FARP2: variants seen among roughly 807,000 people sequenced by gnomAD.
FARP2 encodes FERM, ARHGEF and pleckstrin domain-containing protein 2.
In FARP2, 111 loss-of-function variants were observed where a neutral mutation model predicts 130.5. The observed-to-expected ratio is 0.85, with a 90% CI of 0.73 to 1.00. FARP2 has a LOEUF of 1.00. Ranked by LOEUF, FARP2 falls within the 50% of genes least tolerant of loss-of-function variation. The probability of loss-of-function intolerance (pLI) is 0.00; values close to 1 mark genes in which losing one functional copy is unlikely to be tolerated. For synonymous variants in FARP2, 504 were observed against 516.9 expected (o/e 0.98, Z 0.34); for missense variants, 1,385 against 1,346.3 (o/e 1.03, Z -0.45).
intron 1 of FARP2, among the ~76,000 whole-genome samples, chr2:241,363,049 A>G (rs2061225348): frequency 6.6e-6 from 1 of 152,240 alleles, no homozygotes; most frequent in Non-Finnish European, 1.5e-5. Flanking sequence ...AGTAAACGGT[A>G]ACAGGCGGAT....
intron 1 of FARP2, among the ~76,000 whole-genome samples, chr2:241,366,919 A>C (rs2061331757): frequency 6.6e-6 from 1 of 152,034 alleles, no homozygotes; most frequent in South Asian, 2.1e-4. Flanking sequence ...CACCATCCCC[A>C]GCTGCTGCTG....
rs1243747270 is a variant in FARP2 at position 241,493,059 on chromosome 2, C to A, written c.2895+23C>A. 3.0e-6 allele frequency: 4 copies of A among 1,353,092 alleles called. No individual in the cohort carries two copies. The South Asian group carries it at 3.5e-5, about 12-fold the overall frequency. 83.8% of individuals were successfully genotyped at this position (1,353,092 alleles called of 1,614,324 possible). On this transcript the variant is annotated intron_variant, in intron 25 of 26. Coordinates refer to ENST00000264042, the MANE Select transcript of FARP2 (RefSeq NM_014808.4). Reference sequence around the variant, plus strand: ...CAGGTACTGGAGTTTCACTGGAGCCCAATGCAGGTGATGCTAGCAGACAGA... The same window carrying A: ...CAGGTACTGGAGTTTCACTGGAGCCAAATGCAGGTGATGCTAGCAGACAGA...
intron 26 of FARP2, 160 bp downstream of exon 26, chr2:241,493,604 T>G (rs1214098694): frequency 1.5e-6 from 1 of 648,376 alleles, no homozygotes; most frequent in Non-Finnish European, 2.6e-6. Flanking sequence ...TTTGTTTTTT[T>G]TTTTTTTGGA....
intron 19 of FARP2, among the ~76,000 whole-genome samples, chr2:241,477,123 C>CTTTTTTTTTT (rs71406462): frequency 3.7e-4 from 45 of 122,636 alleles, no homozygotes; most frequent in Non-Finnish European, 5.4e-4. Context: ...ATTCATGTTC[C>CTTTTTTTTTT]TTTTTTTTTT....
In FARP2 at chr2:241,434,162, C is replaced by T. The variant is rs370388089; in HGVS notation, c.872C>T (p.Pro291Leu). ...LIKLHPEVHG[P>L]YQDTLEFLLG... is the part of the protein sequence containing the mutation. ...ACCTTTGTGTTTTGTTTCTAGGGAC[C>T]TTACCAGGACACATTAGAATTTTTG... Residue 291 changes from proline (P) to leucine (L), a missense_variant, in exon 10 of 27, where the codon CCT (proline) becomes CTT (leucine). Pro to Leu is a moderately conservative substitution (Grantham distance 98). Transcript: ENST00000264042. 8.1e-6 allele frequency: 13 copies of T among 1,597,962 alleles called. No homozygotes were observed. The African/African-American group carries it at 1.4e-4, about 17-fold the overall frequency.
rs150312458 is a variant in FARP2 at position 241,373,241 on chromosome 2, A to T, written c.134A>T (p.His45Leu). The change falls in exon 2 of 27, where the codon CAC (histidine) becomes CTC (leucine). Residue 45 changes from histidine (H) to leucine (L), a missense_variant. By Grantham distance (99) the His-to-Leu change is moderately conservative (BLOSUM62 -3). Transcript: ENST00000264042. ...LLPRMQEKHL[H>L]LRVKLLDNTM... ...CCCAGAATGCAAGAGAAGCACCTGC[A>T]CCTCAGAGTAAAGCTGCTGGACAAC... The T allele has an allele frequency of 1.9e-6, 3 of 1,548,868 alleles. No homozygotes were observed. The African/African-American group carries it at 4.1e-5, about 21-fold the overall frequency.
intron 2 of FARP2, among the ~76,000 whole-genome samples, chr2:241,389,762 T>G (rs1473934447): frequency 2.6e-5 from 4 of 152,216 alleles, no homozygotes; most frequent in Admixed American, 6.5e-5. Flanking sequence ...CTGTTTCTTT[T>G]TTATCTTGAA....
chr2:241,384,045 G>A (rs2061726503), intron 2 of FARP2, among the ~76,000 whole-genome samples: 1 of 151,380 alleles, frequency 6.6e-6, no homozygotes. Flanking sequence ...TATCCCGCTG[G>A]GTCATGGTGA....
intron 2 of FARP2, among the ~76,000 whole-genome samples, chr2:241,386,066 C>T (rs959038887): frequency 1.3e-5 from 2 of 152,078 alleles, no homozygotes; most frequent in African/African-American, 2.4e-5. Context: ...GGGCTGGCTG[C>T]CTGATGTGCA....
chr2:241,440,437 C>T (rs1042994308), intron 12 of FARP2, among the ~76,000 whole-genome samples: 5 of 152,128 alleles, frequency 3.3e-5, no homozygotes, highest in African/African-American at 1.2e-4. Context: ...GCAGGTGATG[C>T]AGCATAGCCA....
intron 2 of FARP2, among the ~76,000 whole-genome samples, chr2:241,376,808 C>A (rs2061545735): frequency 6.6e-6 from 1 of 152,114 alleles, no homozygotes; most frequent in South Asian, 2.1e-4. Flanking sequence ...GCAGTGAGAC[C>A]CCTGGCTGGG....
intron 8 of FARP2, among the ~76,000 whole-genome samples, chr2:241,423,207 C>T (rs1574793815): frequency 6.6e-6 from 1 of 152,210 alleles, no homozygotes; most frequent in African/African-American, 2.4e-5. Flanking sequence ...TAAAGGCAGC[C>T]AGAGAGAAAG....
intron 8 of FARP2, among the ~76,000 whole-genome samples, chr2:241,421,706 G>T (rs1464487687): frequency 9.9e-6 from 1 of 101,280 alleles, no homozygotes; most frequent in Admixed American, 1.2e-4. Context: ...CAACAAGTCA[G>T]TACCCTCCTG....
intron 7 of FARP2, among the ~76,000 whole-genome samples, chr2:241,416,037 G>C (rs2062658170): frequency 6.7e-6 from 1 of 149,530 alleles, no homozygotes; most frequent in South Asian, 2.1e-4. Flanking sequence ...GTGTGTGTCT[G>C]GGTGTGTTCT....
At chr2:241,484,171 A>G (rs1301305272) in intron 20 of FARP2, 71 bp from the exon 21 acceptor site, 30 of 1,599,328 alleles carry the variant, frequency 1.9e-5, no homozygotes, top group Non-Finnish European at 2.1e-5. Context: ...GAGCAGCCAG[A>G]GTCCAAGTTG....
At chr2:241,461,798 A>G (rs1383650318) in intron 14 of FARP2, among the ~76,000 whole-genome samples, 1 of 152,242 alleles carries the variant, frequency 6.6e-6, no homozygotes, top group Non-Finnish European at 1.5e-5. Flanking sequence ...CAGGGAGAGG[A>G]CGGAGAAGAG....
Position 241,373,085 on chromosome 2 carries a change from G to C in FARP2, c.-23G>C. ...TGGTTTTTTTTTTTTTCATTTTAGT[G>C]TTTTCTTCACTCATGGTGAAGAATG... On this transcript the variant is annotated splice_region_variant and 5_prime_UTR_variant, in exon 2 of 27. Coordinates refer to ENST00000264042, the MANE Select transcript of FARP2 (RefSeq NM_014808.4). 1 of 1,118,112 alleles carries C rather than the reference G, an allele frequency of 8.9e-7. No individual in the cohort carries two copies. The highest frequency in any genetic ancestry group is 1.7e-5 in the African/African-American group (1 of 60,058). The allele number at this position is 1,118,112 out of a possible 1,614,324, so 69.3% of individuals were successfully genotyped here.
chr2:241,401,033 C>G (rs1334180671), intron 2 of FARP2, among the ~76,000 whole-genome samples: 1 of 152,184 alleles, frequency 6.6e-6, no homozygotes, highest in African/African-American at 2.4e-5. Context: ...TATGTCAGAG[C>G]AAGTTCAACA....
At chr2:241,481,605 G>T (rs1230494509) in intron 19 of FARP2, among the ~76,000 whole-genome samples, 1 of 152,200 alleles carries the variant, frequency 6.6e-6, no homozygotes, top group African/African-American at 2.4e-5. Flanking sequence ...TGGCTGCATA[G>T]CTTTGAGCTG....
Sources: allele counts gnomAD v4.1 joint callset (sites outside exome capture counted in the v4.1 genomes callset), GRCh38; gene constraint gnomAD v4.1.1; transcripts MANE v1.5; gene names NCBI Gene and HGNC (gene_info 2026-07-23, HGNC 2026-07-21).